The following PLEKHH2 variants were observed in gnomAD, a reference collection of about 807,000 sequenced individuals.
PLEKHH2 encodes pleckstrin homology, MyTH4 and FERM domain containing H2, also known as pleckstrin homology domain-containing family H member 2.
PLEKHH2 carries 129 observed loss-of-function variants against 187.9 expected under a neutral mutation model. The ratio of observed to expected loss-of-function variants is 0.69; its 90% CI spans 0.59 to 0.79. PLEKHH2 has a LOEUF of 0.79. Ranked by LOEUF, PLEKHH2 falls within the 30% of genes least tolerant of loss-of-function variation. The pLI, the probability that PLEKHH2 is intolerant of heterozygous loss-of-function variation, is 0.00. For synonymous variants in PLEKHH2, 686 were observed against 605.6 expected (o/e 1.13, Z -1.95); for missense variants, 2,076 against 1,751.2 (o/e 1.19, Z -3.31).
At chr2:43,741,771 C>G (rs546307852) in intron 21 of PLEKHH2, among the ~76,000 whole-genome samples, 13 of 152,186 alleles carry the variant, frequency 8.5e-5, no homozygotes, top group Middle Eastern at 3.4e-3. Flanking sequence ...CTGAGGAGCC[C>G]CGAGACCAAG....
At chr2:43,757,295 T>G (rs1279069802) in intron 26 of PLEKHH2, 31 bp downstream of exon 26, 1 of 1,459,604 alleles carries the variant, frequency 6.9e-7, no homozygotes, top group African/African-American at 1.5e-5. Flanking sequence ...CTTTATAGGG[T>G]AGGGTCATAC....
chr2:43,702,767 C>T (rs143930187), intron 8 of PLEKHH2, among the ~76,000 whole-genome samples: 1 of 151,970 alleles, frequency 6.6e-6, no homozygotes, highest in African/African-American at 2.4e-5. Flanking sequence ...CATAGCCTAT[C>T]CTTATTGAAC....
At chr2:43,676,558 C>G (rs547120374) in intron 2 of PLEKHH2, among the ~76,000 whole-genome samples, 2 of 151,936 alleles carry the variant, frequency 1.3e-5, no homozygotes, top group Non-Finnish European at 2.9e-5. Context: ...CACGCCTGGC[C>G]TTCCAACCAG....
In PLEKHH2 at chr2:43,745,900, C is replaced by T. The variant is rs749733246; in HGVS notation, c.3590C>T (p.Ser1197Phe). The change falls in exon 24 of 30, where the codon TCC becomes TTC. Residue 1197 changes from serine (S) to phenylalanine (F), a missense_variant. Coordinates refer to ENST00000282406, the MANE Select transcript of PLEKHH2 (RefSeq NM_172069.4). ...CDIISKWEQA[S>F]KEQQPGKCEG... is the part of the protein sequence containing the mutation. ...ATTATTTCCAAATGGGAACAGGCTT[C>T]CAAAGAACAGCAGCCTGGAAAATGT... The T allele has an allele frequency of 1.2e-6, 2 of 1,612,814 alleles. No individual in the cohort carries two copies. The highest frequency in any genetic ancestry group is 2.2e-5 in the South Asian group (2 of 90,778).
intron 15 of PLEKHH2, among the ~76,000 whole-genome samples, chr2:43,720,097 G>A (rs1670410440): frequency 6.6e-6 from 1 of 152,174 alleles, no homozygotes; most frequent in African/African-American, 2.4e-5. Context: ...CCCATCACTC[G>A]TAATAACATA....
chr2:43,765,359 T>G (rs1229320398), intron 29 of PLEKHH2, 54 bp from the exon 30 acceptor site: 9 of 1,555,672 alleles, frequency 5.8e-6, no homozygotes, highest in Non-Finnish European at 8.8e-7. Context: ...TACTCTCTTC[T>G]GGAAGTGATG....
chr2:43,701,374 T>C (rs1208762474), intron 8 of PLEKHH2, among the ~76,000 whole-genome samples: 1 of 152,172 alleles, frequency 6.6e-6, no homozygotes, highest in African/African-American at 2.4e-5. Context: ...TAAGCCACTC[T>C]TCCTCTTGGG....
At chr2:43,717,659 G>A (rs1333776620) in intron 15 of PLEKHH2, among the ~76,000 whole-genome samples, 4 of 152,190 alleles carry the variant, frequency 2.6e-5, no homozygotes, top group Non-Finnish European at 4.4e-5. Flanking sequence ...TGGAGACAGT[G>A]TGGCCAAGAG....
chr2:43,737,357 T>C (rs564488466), intron 19 of PLEKHH2, among the ~76,000 whole-genome samples: 30 of 152,302 alleles, frequency 2.0e-4, no homozygotes, highest in Admixed American at 1.3e-3. Flanking sequence ...TAGAAACATA[T>C]CTAGAAATGA....
intron 2 of PLEKHH2, among the ~76,000 whole-genome samples, chr2:43,678,212 C>T (rs1378435192): frequency 6.6e-6 from 1 of 151,542 alleles, no homozygotes; most frequent in Non-Finnish European, 1.5e-5. Flanking sequence ...CAGAGATGCT[C>T]CTCACTTTCC....
chr2:43,764,433 A>G lies in PLEKHH2; in HGVS notation c.4296+68A>G. 4.7e-6 allele frequency: 7 copies of G among 1,474,776 alleles called. No individual in the cohort carries two copies. In the South Asian group the frequency reaches 4.8e-5, roughly 10 times the overall value. The allele number at this position is 1,474,776 out of a possible 1,614,324, so 91.4% of individuals were successfully genotyped here. A position where few individuals can be genotyped will look rare whatever the true frequency, so the allele number is the denominator to read the frequency against. On this transcript the variant is annotated intron_variant, in intron 29 of 29. Transcript: ENST00000282406. ...TTCACTTAGTCTTAGCCAGAAGGCC[A>G]AAAAGCAATGCTAATTGTTTTCATA...
intron 2 of PLEKHH2, among the ~76,000 whole-genome samples, chr2:43,645,054 C>T (rs995216375): frequency 6.6e-6 from 1 of 151,978 alleles, no homozygotes; most frequent in Non-Finnish European, 1.5e-5. Flanking sequence ...AGAGAGAAAG[C>T]TATAATTTAT....
chr2:43,715,099 G>A (rs1191530793), intron 15 of PLEKHH2, among the ~76,000 whole-genome samples: 1 of 152,062 alleles, frequency 6.6e-6, no homozygotes, highest in East Asian at 1.9e-4. Context: ...CCAACATGGT[G>A]AAAACCCGTC....
intron 26 of PLEKHH2, among the ~76,000 whole-genome samples, chr2:43,758,409 T>G (rs887279268): frequency 1.3e-5 from 2 of 152,116 alleles, no homozygotes; most frequent in Admixed American, 1.3e-4. Flanking sequence ...CCCGCCATCA[T>G]GCCTGGCTTA....
chr2:43,649,335 T>C (rs1463688143), intron 2 of PLEKHH2, among the ~76,000 whole-genome samples: 1 of 152,224 alleles, frequency 6.6e-6, no homozygotes, highest in African/African-American at 2.4e-5. Context: ...TTATTTCCTA[T>C]GAGTTAGATT....
At chr2:43,648,928 G>A (rs1416519846) in intron 2 of PLEKHH2, among the ~76,000 whole-genome samples, 4 of 152,104 alleles carry the variant, frequency 2.6e-5, no homozygotes, top group African/African-American at 9.7e-5. Flanking sequence ...AATTTTTAAA[G>A]GAAAAATATG....
At chr2:43,695,651 C>T (rs549208945) in intron 6 of PLEKHH2, among the ~76,000 whole-genome samples, 1 of 152,094 alleles carries the variant, frequency 6.6e-6, no homozygotes, top group Non-Finnish European at 1.5e-5. Context: ...ACATTTTGCT[C>T]CTTCTAAGTG....
At chr2:43,754,165 T>TACACACACACACAC (rs373399236) in intron 25 of PLEKHH2, among the ~76,000 whole-genome samples, 2 of 118,016 alleles carry the variant, frequency 1.7e-5, no homozygotes, top group Non-Finnish European at 3.2e-5. Flanking sequence ...TTCAATCTTC[T>TACACACACACACAC]ACACACACAC....
At chr2:43,744,817 G>A (rs543270022) in intron 23 of PLEKHH2, among the ~76,000 whole-genome samples, 76 of 147,440 alleles carry the variant, frequency 5.2e-4, no homozygotes, top group African/African-American at 1.5e-3. Flanking sequence ...GCAGTGAGCC[G>A]TGATCACGCC....
Sources: allele counts gnomAD v4.1 joint callset (sites outside exome capture counted in the v4.1 genomes callset), GRCh38; gene constraint gnomAD v4.1.1; transcripts MANE v1.5; gene names NCBI Gene and HGNC (gene_info 2026-07-23, HGNC 2026-07-21).